ARMH1: variants seen among roughly 807,000 people sequenced by gnomAD.
ARMH1 encodes armadillo-like helical domain containing protein 1.
A neutral mutation model predicts 50.2 loss-of-function variants in ARMH1; 34 were observed. The ratio of observed to expected loss-of-function variants is 0.68; its 90% CI spans 0.51 to 0.90. The LOEUF is 0.90. Among genes scored for constraint, ARMH1 ranks in the 40% least tolerant of loss-of-function variants. ARMH1 has a pLI of 0.00. For synonymous variants in ARMH1, 221 were observed against 224.2 expected (o/e 0.99, Z 0.13); for missense variants, 538 against 553.9 (o/e 0.97, Z 0.29).
intron 1 of ARMH1, among the ~76,000 whole-genome samples, chr1:44,680,507 T>C (rs1325851443): frequency 6.6e-6 from 1 of 152,166 alleles, no homozygotes; most frequent in Admixed American, 6.5e-5. Context: ...GAGTGCCATA[T>C]TGGGTTTAGA....
At chr1:44,679,829 G>A (rs892454753) in intron 1 of ARMH1, among the ~76,000 whole-genome samples, 2 of 152,232 alleles carry the variant, frequency 1.3e-5, no homozygotes, top group East Asian at 1.9e-4. Flanking sequence ...TTCACTCAGC[G>A]AGCATTTATT....
chr1:44,682,495 G>T lies in ARMH1; in HGVS notation c.-22-7181G>T, dbSNP rs1166153157. 2.0e-5 allele frequency among the ~76,000 whole-genome samples: 3 copies of T among 152,168 alleles called. No homozygotes were observed. In the East Asian group the frequency reaches 5.8e-4, roughly 29 times the overall value. On this transcript the variant is annotated intron_variant, in intron 1 of 11. Transcript: ENST00000535358. The surrounding 1 kb of genome is among the most constrained non-coding windows in gnomAD (Gnocchi z 4.5). ...CATGGGTTGAGGCAAGGGGTGGGGT[G>T]GGGTGTCAGGTTTCACCTGGGGCCG...
intron 6 of ARMH1, among the ~76,000 whole-genome samples, chr1:44,718,736 G>A (rs550548377): frequency 4.6e-5 from 7 of 152,290 alleles, no homozygotes; most frequent in Admixed American, 3.3e-4. Flanking sequence ...CATAAGAAGC[G>A]TTTCTGGGCC....
chr1:44,677,763 G>C (rs944748504), intron 1 of ARMH1, among the ~76,000 whole-genome samples: 2 of 152,160 alleles, frequency 1.3e-5, no homozygotes, highest in Admixed American at 6.5e-5. Context: ...GTCTCTGATG[G>C]GCAGAGCAGG....
At chr1:44,706,341 A>C (rs1269864875) in intron 6 of ARMH1, among the ~76,000 whole-genome samples, 2 of 152,178 alleles carry the variant, frequency 1.3e-5, no homozygotes, top group African/African-American at 4.8e-5. Flanking sequence ...AGAATGAAGC[A>C]GCTTATGGAT....
At chr1:44,721,633 G>C (rs1157996852) in intron 6 of ARMH1, among the ~76,000 whole-genome samples, 2 of 152,164 alleles carry the variant, frequency 1.3e-5, no homozygotes, top group Non-Finnish European at 2.9e-5. Context: ...TGAGGCTGAG[G>C]TGGGAGGATT....
intron 1 of ARMH1, among the ~76,000 whole-genome samples, chr1:44,675,097 C>G (rs1645091369): frequency 6.6e-6 from 1 of 152,072 alleles, no homozygotes; most frequent in Non-Finnish European, 1.5e-5. Flanking sequence ...TATGTGCCAG[C>G]ATATTTACAT....
At chr1:44,707,006 T>C (rs148587473) in intron 6 of ARMH1, among the ~76,000 whole-genome samples, 1,764 of 152,250 alleles carry the variant, frequency 0.012, 16 homozygotes, top group Middle Eastern at 0.048. Context: ...GCTTAAGCAT[T>C]GACTCCCTAA....
rs150929861 is a variant in ARMH1 at position 44,707,422 on chromosome 1, T to C, written c.724+3249T>C. On this transcript the variant is annotated intron_variant, in intron 6 of 11. Transcript: ENST00000535358. ...ACAATGGGTGCTCAGTAGAAGTCTGTGAAAAAAAAATCTTATTTCTTTTTT... is the reference window on the plus strand; with the variant it reads ...ACAATGGGTGCTCAGTAGAAGTCTGCGAAAAAAAAATCTTATTTCTTTTTT... Among the ~76,000 whole-genome samples the C allele has an allele frequency of 4.8e-3, 727 of 152,102 alleles. 11 individuals are homozygous for C. Among genetic ancestry groups the C allele is most frequent in the Non-Finnish European group, 3.5e-3 (241 of 67,970 alleles).
intron 2 of ARMH1, among the ~76,000 whole-genome samples, chr1:44,694,745 A>G (rs952147682): frequency 1.3e-5 from 2 of 151,958 alleles, no homozygotes; most frequent in Admixed American, 6.6e-5. Flanking sequence ...CCTGACCTCA[A>G]GTGATTCACC....
In ARMH1 at chr1:44,701,137, G is replaced by T; in HGVS notation, c.639+18G>T. 6.5e-7 allele frequency: 1 copy of T among 1,529,956 alleles called. No homozygotes were observed. The allele number at this position is 1,529,956 out of a possible 1,614,324, so 94.8% of individuals were successfully genotyped here. On this transcript the variant is annotated intron_variant, in intron 5 of 11. Transcript: ENST00000535358. ...CTGCCCAGGTGAGCCAAGGCTGCATGCTCCTGTGGTTCTGATTCAGATGCA... is the reference window on the plus strand; with the variant it reads ...CTGCCCAGGTGAGCCAAGGCTGCATTCTCCTGTGGTTCTGATTCAGATGCA...
intron 6 of ARMH1, among the ~76,000 whole-genome samples, chr1:44,716,472 T>G (rs1646855777): frequency 6.6e-6 from 1 of 152,220 alleles, no homozygotes; most frequent in African/African-American, 2.4e-5. Flanking sequence ...TCCCCTCAGA[T>G]GTCACCAGTG....
At chr1:44,675,028 A>T (rs1645087719) in intron 1 of ARMH1, among the ~76,000 whole-genome samples, 155 bp downstream of exon 1, 1 of 152,132 alleles carries the variant, frequency 6.6e-6, no homozygotes, top group Non-Finnish European at 1.5e-5. Flanking sequence ...TGCCCTGTTG[A>T]TAGGGCCCAC....
chr1:44,680,549 A>AGAAATCT (rs1645274294), intron 1 of ARMH1, among the ~76,000 whole-genome samples: 1 of 152,212 alleles, frequency 6.6e-6, no homozygotes, highest in African/African-American at 2.4e-5. Context: ...GAGCTAATGG[A>AGAAATCT]GAAATCTGGG....
rs1380531421 is a variant in ARMH1 at position 44,724,156 on chromosome 1, T to TGTGC, written c.761_764dup (p.Gln256AlafsTer29). On this transcript the variant is annotated frameshift_variant, in exon 7 of 12. Coordinates refer to ENST00000535358, the MANE Select transcript of ARMH1 (RefSeq NM_001145636.2). LOFTEE classifies it high-confidence loss of function. This position sits in a 1 kb window ranked among gnomAD's most constrained non-coding sequence, Gnocchi z 6.4. ...TGATCAAAGACCTGGTCGGTTACGA[T>TGTGC]GTGCGCCAGGCGCTGCTCAAGGGCC... 6.4e-7 allele frequency: 1 copy of TGTGC among 1,551,718 alleles called. No homozygotes were observed. Among genetic ancestry groups the TGTGC allele is most frequent in the South Asian group, 1.2e-5 (1 of 84,058 alleles).
intron 3 of ARMH1, among the ~76,000 whole-genome samples, chr1:44,697,679 C>T (rs1645873323): frequency 6.6e-6 from 1 of 152,172 alleles, no homozygotes; most frequent in African/African-American, 2.4e-5. Context: ...GGCTTTGAGC[C>T]TCATTGGACC....
Position 44,720,197 on chromosome 1 carries a change from CAA to C in ARMH1, c.725-3903_725-3902del, listed in dbSNP as rs35873369. 3.9e-3 allele frequency among the ~76,000 whole-genome samples: 269 copies of C among 69,178 alleles called. 1 individual carries two copies. The highest frequency in any genetic ancestry group is 0.012 in the African/African-American group (231 of 19,908). 45.4% of individuals were successfully genotyped at this position (69,178 alleles called of 152,430 possible). On this transcript the variant is annotated intron_variant, in intron 6 of 11. Transcript: ENST00000535358. ...GGGCAACAAGAGCAAAACTCTGTCTCAAAAAAAAAAAAAAAAAAAAAAAGTTG... is the reference window on the plus strand; with the variant it reads ...GGGCAACAAGAGCAAAACTCTGTCTCAAAAAAAAAAAAAAAAAAAAAGTTG...
chr1:44,689,273 G>C (rs1022143971), intron 1 of ARMH1: 1 of 171,488 alleles, frequency 5.8e-6, no homozygotes, highest in Non-Finnish European at 1.3e-5. Context: ...ATGTCAGCCA[G>C]GTTGGTCTCA....
intron 6 of ARMH1, among the ~76,000 whole-genome samples, chr1:44,721,415 CAA>C (rs1057273127): frequency 5.3e-5 from 8 of 151,982 alleles, no homozygotes; most frequent in African/African-American, 9.7e-5. Context: ...ATCATGCACA[CAA>C]AGTCATCACT....
Sources: gnomAD v4.1 joint callset for allele counts (sites outside exome capture counted in the v4.1 genomes callset) on GRCh38, gnomAD v4.1.1 for gene constraint, Gnocchi (gnomAD v3.1) non-coding constraint, MANE v1.5 for transcripts, NCBI Gene and HGNC (gene_info 2026-07-23, HGNC 2026-07-21) for gene names.